The following CDK17 variants were observed in gnomAD, a reference collection of about 807,000 sequenced individuals.
The protein encoded by CDK17 is cyclin dependent kinase 17, also known as cyclin-dependent kinase 17.
A neutral mutation model predicts 77.6 loss-of-function variants in CDK17; 24 were observed. The observed-to-expected ratio is 0.31, with a 90% CI of 0.22 to 0.44. The LOEUF (loss-of-function observed/expected upper bound fraction) is 0.44. Among genes scored for constraint, CDK17 ranks in the 20% least tolerant of loss-of-function variants. The probability of loss-of-function intolerance (pLI) is 1.00; values close to 1 mark genes in which losing one functional copy is unlikely to be tolerated. For missense variants in CDK17, 429 were observed against 622.5 expected, an observed-to-expected ratio of 0.69 and a Z score of 3.31; for synonymous variants, 203 against 210.4, an observed-to-expected ratio of 0.96 and a Z score of 0.30.
intron 13 of CDK17, 36 bp downstream of exon 13, chr12:96,286,005 ATG>A (rs747061802): frequency 3.1e-6 from 3 of 982,084 alleles, no homozygotes; most frequent in Non-Finnish European, 4.9e-6. Context: ...GAAAAGAATC[ATG>A]TGTTTTCCCC....
intron 1 of CDK17, among the ~76,000 whole-genome samples, chr12:96,343,032 G>A (rs11832268): frequency 0.016 from 2,411 of 152,168 alleles, 67 homozygotes; most frequent in African/African-American, 0.054. Context: ...AGTATGAATA[G>A]TGAAACACAC....
intron 10 of CDK17, among the ~76,000 whole-genome samples, chr12:96,293,695 T>C (rs1392765174): frequency 6.6e-6 from 1 of 152,232 alleles, no homozygotes; most frequent in African/African-American, 2.4e-5. Flanking sequence ...CTTTTATCCA[T>C]GCATGATTCT....
rs748893687 is a variant in CDK17, at chr12:96,298,873, T to C, written c.711A>G (p.Arg237=). 1.3e-6 allele frequency: 2 copies of C among 1,527,224 alleles called. No homozygotes were observed. The highest frequency in any genetic ancestry group is 1.8e-6 in the Non-Finnish European group (2 of 1,109,954). The allele number at this position is 1,527,224 out of a possible 1,614,324, so 94.6% of individuals were successfully genotyped here. The part of the protein sequence containing the change: ...HEEGAPCTAI[R]EVSLLKDLKH... ...TGTTCTGTATAATTATTATACCTTC[T>C]CTTATAGCTGTGCAGGGTGCACCTT... Residue 237 remains arginine (R), a synonymous_variant, in exon 7 of 17, where the codon AGA becomes AGG. Coordinates refer to ENST00000261211, the MANE Select transcript of CDK17 (RefSeq NM_002595.5).
chr12:96,305,461 T>C (rs2137094784), intron 5 of CDK17, among the ~76,000 whole-genome samples: 1 of 152,284 alleles, frequency 6.6e-6, no homozygotes, highest in East Asian at 1.9e-4. Context: ...ATAATTTTTG[T>C]AATTTTTTCT....
intron 10 of CDK17, among the ~76,000 whole-genome samples, chr12:96,289,980 A>C (rs1952301473): frequency 6.6e-6 from 1 of 152,164 alleles, no homozygotes; most frequent in Admixed American, 6.5e-5. Context: ...GAACTGTCTT[A>C]AGCCACACAT....
At chr12:96,292,328 A>G (rs1396237929) in intron 10 of CDK17, among the ~76,000 whole-genome samples, 1 of 152,132 alleles carries the variant, frequency 6.6e-6, no homozygotes, top group African/African-American at 2.4e-5. Flanking sequence ...AATCAAAGCC[A>G]GGTGTGATGG....
At chr12:96,333,258 A>C (rs1952996731) in intron 2 of CDK17, among the ~76,000 whole-genome samples, 1 of 152,120 alleles carries the variant, frequency 6.6e-6, no homozygotes, top group African/African-American at 2.4e-5. Context: ...TAAAATCATG[A>C]TGTTTGAGAT....
intron 5 of CDK17, among the ~76,000 whole-genome samples, chr12:96,308,644 G>T (rs1269824415): frequency 6.9e-6 from 1 of 144,370 alleles, no homozygotes; most frequent in Admixed American, 6.9e-5. Flanking sequence ...CCAGAGAATC[G>T]CTTGAACCCG....
rs1342626244 is a variant in CDK17 at position 96,356,908 on chromosome 12, T to A, written c.-29-22043A>T. Among the ~76,000 whole-genome samples, 3 of 152,238 alleles carry A rather than the reference T, an allele frequency of 2.0e-5. No individual in the cohort carries two copies. The East Asian group carries it at 5.8e-4, about 29-fold the overall frequency. ...TTCAAAATATAAAATCTGATTTAAA[T>A]GTCACTCGGAATGTAGATACTTCCA... On this transcript the variant is annotated intron_variant, in intron 1 of 16. Coordinates refer to ENST00000261211, the MANE Select transcript of CDK17 (RefSeq NM_002595.5).
chr12:96,366,288 T>G (rs1224824111), intron 1 of CDK17, among the ~76,000 whole-genome samples: 1 of 152,228 alleles, frequency 6.6e-6, no homozygotes, highest in Admixed American at 6.5e-5. Flanking sequence ...ATTTATTGTA[T>G]GAACACAGAT....
intron 1 of CDK17, among the ~76,000 whole-genome samples, chr12:96,365,836 G>A (rs1953575623): frequency 6.6e-6 from 1 of 152,216 alleles, no homozygotes; most frequent in African/African-American, 2.4e-5. Context: ...GAGCCTAGGA[G>A]TTCAAGACCA....
chr12:96,399,119 G>A (rs1954217149), intron 1 of CDK17: 1 of 152,312 alleles, frequency 6.6e-6, no homozygotes, highest in African/African-American at 2.4e-5. Flanking sequence ...GAAAAGTAGG[G>A]GGAGAACGAG....
chr12:96,330,302 A>T (rs561034596), intron 2 of CDK17, among the ~76,000 whole-genome samples: 2 of 152,326 alleles, frequency 1.3e-5, no homozygotes, highest in East Asian at 3.9e-4. Flanking sequence ...AGCAAAAAAA[A>T]AAAAGACATC....
intron 1 of CDK17, among the ~76,000 whole-genome samples, chr12:96,396,564 T>C (rs771077316): frequency 6.6e-6 from 1 of 152,226 alleles, no homozygotes; most frequent in African/African-American, 2.4e-5. Flanking sequence ...ATTATCACTT[T>C]ATGAAATATA....
intron 1 of CDK17, among the ~76,000 whole-genome samples, chr12:96,350,471 T>A (rs777485963): frequency 2.2e-4 from 33 of 151,966 alleles, no homozygotes; most frequent in Non-Finnish European, 4.0e-4. Flanking sequence ...TTTCAAGACC[T>A]AATAAAAAGA....
chr12:96,387,097 C>T, intron 1 of CDK17: 1 of 334,440 alleles, frequency 3.0e-6, no homozygotes, highest in Non-Finnish European at 6.0e-6. Flanking sequence ...ATCACGGTGA[C>T]ATCCACACCT....
At chr12:96,324,605 A>G (rs1473344239) in intron 2 of CDK17, among the ~76,000 whole-genome samples, 1 of 152,040 alleles carries the variant, frequency 6.6e-6, no homozygotes, top group Non-Finnish European at 1.5e-5. Context: ...CATCTCTACT[A>G]AAAACACAAA....
chr12:96,295,610 A>G (rs1292408597), intron 9 of CDK17, among the ~76,000 whole-genome samples: 2 of 152,060 alleles, frequency 1.3e-5, no homozygotes, highest in Non-Finnish European at 2.9e-5. Context: ...CGATTTTATG[A>G]AAAGTCTGAG....
intron 1 of CDK17, among the ~76,000 whole-genome samples, chr12:96,369,431 T>C (rs1318374509): frequency 6.6e-6 from 1 of 152,202 alleles, no homozygotes; most frequent in Non-Finnish European, 1.5e-5. Flanking sequence ...GCCCATCCAG[T>C]TATTAATAAT....
Sources: gnomAD v4.1 joint callset for allele counts (sites outside exome capture counted in the v4.1 genomes callset) on GRCh38, gnomAD v4.1.1 for gene constraint, MANE v1.5 for transcripts, NCBI Gene and HGNC (gene_info 2026-07-23, HGNC 2026-07-21) for gene names.